MAP3K5: variants seen among roughly 807,000 people sequenced by gnomAD.
MAP3K5 encodes the protein mitogen-activated protein kinase kinase kinase 5, also known as ASK-1.
In MAP3K5, 56 loss-of-function variants were observed where a neutral mutation model predicts 158.7. The observed-to-expected ratio is 0.35, with a 90% CI of 0.28 to 0.44. MAP3K5 has a LOEUF of 0.44. Among genes scored for constraint, MAP3K5 ranks in the 20% least tolerant of loss-of-function variants. The probability of loss-of-function intolerance (pLI) is 1.00; values close to 1 mark genes in which losing one functional copy is unlikely to be tolerated. For synonymous variants in MAP3K5, 579 were observed against 601.7 expected, an observed-to-expected ratio of 0.96 and a Z score of 0.55; for missense variants, 1,294 against 1,674.8, an observed-to-expected ratio of 0.77 and a Z score of 3.97.
chr6:136,583,445 G>T (rs1025495712), intron 24 of MAP3K5, 110 bp downstream of exon 24: 9 of 1,004,922 alleles, frequency 9.0e-6, no homozygotes, highest in Non-Finnish European at 1.3e-5. Flanking sequence ...CATCCAAAAA[G>T]AATAGAGTTC....
intron 15 of MAP3K5, among the ~76,000 whole-genome samples, chr6:136,618,166 C>T (rs1380214747): frequency 6.6e-6 from 1 of 152,138 alleles, no homozygotes; most frequent in Admixed American, 6.5e-5. Flanking sequence ...GTTTAGTGTA[C>T]ACTCAGGTTG....
intron 1 of MAP3K5, among the ~76,000 whole-genome samples, chr6:136,742,335 C>T (rs767288165): frequency 7.9e-5 from 12 of 151,752 alleles, no homozygotes; most frequent in Non-Finnish European, 1.5e-4. Context: ...CACATAAACA[C>T]AGTCAACTGA....
At chr6:136,696,168 C>T (rs935741045) in intron 5 of MAP3K5, 111 bp from the exon 6 acceptor site, 7 of 602,996 alleles carry the variant, frequency 1.2e-5, no homozygotes, top group African/African-American at 1.9e-5. Context: ...ATTAAAAAGA[C>T]ACTAGAATCC....
intron 21 of MAP3K5, among the ~76,000 whole-genome samples, chr6:136,595,901 T>G (rs1183142890): frequency 5.9e-5 from 9 of 152,046 alleles, no homozygotes; most frequent in Admixed American, 5.2e-4. Flanking sequence ...TGACAGCTAC[T>G]CAGGAGGCTG....
chr6:136,729,276 G>A (rs1473251954), intron 1 of MAP3K5, among the ~76,000 whole-genome samples: 2 of 152,310 alleles, frequency 1.3e-5, no homozygotes, highest in East Asian at 3.9e-4. Flanking sequence ...CAGACAAGCT[G>A]TTCTTTGACT....
At chr6:136,791,513 C>T (rs1219800582) in intron 1 of MAP3K5, among the ~76,000 whole-genome samples, 197 bp downstream of exon 1, 1 of 152,206 alleles carries the variant, frequency 6.6e-6, no homozygotes, top group Non-Finnish European at 1.5e-5. Flanking sequence ...CGCACAAGTA[C>T]ACACAGACTC....
chr6:136,693,246 G>A (rs1207082246), intron 7 of MAP3K5, among the ~76,000 whole-genome samples: 1 of 152,128 alleles, frequency 6.6e-6, no homozygotes, highest in Non-Finnish European at 1.5e-5. Context: ...GTTCCAGGCT[G>A]TCTCTTGTAT....
intron 8 of MAP3K5, among the ~76,000 whole-genome samples, chr6:136,663,276 A>T (rs1377929123): frequency 4.6e-5 from 7 of 152,182 alleles, no homozygotes; most frequent in Non-Finnish European, 5.9e-5. Flanking sequence ...TCAAAATAAA[A>T]CTACAATGAA....
intron 14 of MAP3K5, among the ~76,000 whole-genome samples, chr6:136,629,504 G>C (rs751040341): frequency 1.5e-4 from 23 of 151,876 alleles, no homozygotes; most frequent in African/African-American, 3.9e-4. Context: ...GCCCAGGCTG[G>C]AGTGCAGTGG....
intron 1 of MAP3K5, 62 bp downstream of exon 1, chr6:136,791,647 GA>G: frequency 6.4e-7 from 1 of 1,557,192 alleles, no homozygotes; most frequent in East Asian, 2.3e-5. Context: ...GAAATGCCCC[GA>G]AGACCGCCAG....
At chr6:136,652,343 AGC>A in intron 10 of MAP3K5, among the ~76,000 whole-genome samples, 1 of 152,320 alleles carries the variant, frequency 6.6e-6, no homozygotes, top group East Asian at 1.9e-4. Context: ...GTCAGTCTCT[AGC>A]TGTGAAAATA....
At chr6:136,643,218 T>C (rs979480900) in intron 11 of MAP3K5, among the ~76,000 whole-genome samples, 4 of 152,252 alleles carry the variant, frequency 2.6e-5, no homozygotes, top group African/African-American at 9.6e-5. Flanking sequence ...AAGAAAAATG[T>C]GGGAATTTAT....
At chr6:136,690,628 G>A (rs1780344622) in intron 7 of MAP3K5, among the ~76,000 whole-genome samples, 1 of 152,004 alleles carries the variant, frequency 6.6e-6, no homozygotes, top group African/African-American at 2.4e-5. Context: ...CCATTTTTGT[G>A]AATAACCTGT....
intron 7 of MAP3K5, among the ~76,000 whole-genome samples, chr6:136,689,664 G>A (rs1780305333): frequency 6.6e-6 from 1 of 152,154 alleles, no homozygotes; most frequent in South Asian, 2.1e-4. Context: ...AAAAGAACAT[G>A]TTCAGCCCCA....
At chr6:136,569,418 T>G (rs1240791785) in intron 25 of MAP3K5, among the ~76,000 whole-genome samples, 4 of 152,208 alleles carry the variant, frequency 2.6e-5, no homozygotes, top group African/African-American at 9.6e-5. Context: ...ATCTACATAA[T>G]AAGAACCTTG....
At chr6:136,606,542 A>G (rs1206650070) in intron 18 of MAP3K5, among the ~76,000 whole-genome samples, 1 of 152,200 alleles carries the variant, frequency 6.6e-6, no homozygotes, top group Non-Finnish European at 1.5e-5. Context: ...CCTAAATGAG[A>G]GGCTGGATTT....
rs1361390857 is a variant in MAP3K5, at chr6:136,592,573, C to T, written c.2920G>A (p.Glu974Lys). The change falls in exon 22 of 30, where the codon GAG becomes AAG. Residue 974 changes from glutamate (E) to lysine (K), a missense_variant. Transcript: ENST00000359015. Reference protein sequence around the residue: ...SISLPVPVLVEDTSSSSEYGS... With the variant: ...SISLPVPVLVKDTSSSSEYGS... ...TACTCACTGCTGCTGCTGGTGTCCT[C>T]CACCAGCACAGGTACCGGCAAGGAT... is the stretch of plus-strand genomic sequence containing the variant. 6.2e-7 allele frequency: 1 copy of T among 1,613,794 alleles called. No homozygotes were observed.
chr6:136,750,060 A>C (rs1001032136), intron 1 of MAP3K5, among the ~76,000 whole-genome samples: 5 of 152,124 alleles, frequency 3.3e-5, no homozygotes, highest in African/African-American at 1.2e-4. Flanking sequence ...TCCACACCCC[A>C]TTGGCCTTCT....
chr6:136,767,627 A>G (rs558375922), intron 1 of MAP3K5, among the ~76,000 whole-genome samples: 36 of 152,210 alleles, frequency 2.4e-4, no homozygotes, highest in Admixed American at 3.9e-4. Flanking sequence ...CAAAAGAAAG[A>G]ATATCGGGGA....
Sources: gnomAD v4.1 joint callset for allele counts (sites outside exome capture counted in the v4.1 genomes callset) on GRCh38, gnomAD v4.1.1 for gene constraint, MANE v1.5 for transcripts, NCBI Gene and HGNC (gene_info 2026-07-23, HGNC 2026-07-21) for gene names.